Variants in FMN1 observed in about 807,000 individuals in gnomAD.
FMN1 encodes the protein formin 1, also known as formin-1.
In FMN1, 110 loss-of-function variants were observed where a neutral mutation model predicts 132.4. The observed-to-expected ratio is 0.83, with a 90% CI of 0.71 to 0.97. The LOEUF (loss-of-function observed/expected upper bound fraction) is 0.97. Ranked by LOEUF, FMN1 falls within the 50% of genes least tolerant of loss-of-function variation. FMN1 has a pLI of 0.00. For missense variants in FMN1, 1,792 were observed against 1,705.3 expected (o/e 1.05, Z -0.90); for synonymous variants, 722 against 651.7 (o/e 1.11, Z -1.64).
chr15:32,970,493 A>G (rs2031689587), intron 7 of FMN1, among the ~76,000 whole-genome samples: 1 of 152,132 alleles, frequency 6.6e-6, no homozygotes, highest in Non-Finnish European at 1.5e-5. Context: ...CCTCAGCAGC[A>G]ATGGATGGAT....
chr15:32,793,614 T>A (rs1028414048), intron 19 of FMN1, among the ~76,000 whole-genome samples: 1 of 152,214 alleles, frequency 6.6e-6, no homozygotes, highest in Admixed American at 6.5e-5. Context: ...TGTTTATCAG[T>A]TAGGTCTTGG....
At chr15:32,884,474 G>C (rs1189030074) in intron 16 of FMN1, among the ~76,000 whole-genome samples, 1 of 152,174 alleles carries the variant, frequency 6.6e-6, no homozygotes, top group Non-Finnish European at 1.5e-5. Context: ...CATGTGATTA[G>C]ATTAGGCCCA....
intron 4 of FMN1, among the ~76,000 whole-genome samples, chr15:33,109,528 T>C (rs943358990): frequency 1.3e-5 from 2 of 152,080 alleles, no homozygotes; most frequent in African/African-American, 2.4e-5. Context: ...AATGAAATCA[T>C]GTCTTTTGTG....
chr15:32,875,591 G>A (rs1488872656), intron 16 of FMN1, among the ~76,000 whole-genome samples: 1 of 152,084 alleles, frequency 6.6e-6, no homozygotes, highest in Non-Finnish European at 1.5e-5. Flanking sequence ...ATCCACCTAG[G>A]AGCCACGCTG....
Position 33,008,188 on chromosome 15 carries a change from C to A in FMN1, c.2162-113G>T, listed in dbSNP as rs1008460814. On this transcript the variant is annotated intron_variant, in intron 6 of 20. Coordinates refer to ENST00000616417, the MANE Select transcript of FMN1 (RefSeq NM_001277313.2). Reference sequence around the variant, plus strand: ...TAAAATAAATGCCACAATTTGACATCAACCTTACAAGAGATGTTAAAAATT... The same window carrying A: ...TAAAATAAATGCCACAATTTGACATAAACCTTACAAGAGATGTTAAAAATT... 9 of 806,072 alleles carry A rather than the reference C, an allele frequency of 1.1e-5. No individual in the cohort carries two copies. In the African/African-American group the frequency reaches 1.4e-4, roughly 12 times the overall value. The allele number at this position is 806,072 out of a possible 1,614,324, so 49.9% of individuals were successfully genotyped here. A position where few individuals can be genotyped will look rare whatever the true frequency, so the allele number is the denominator to read the frequency against.
At chr15:32,947,996 A>G (rs1312681117) in intron 9 of FMN1, among the ~76,000 whole-genome samples, 1 of 152,042 alleles carries the variant, frequency 6.6e-6, no homozygotes, top group Non-Finnish European at 1.5e-5. Flanking sequence ...AGAAATGTGT[A>G]TCATATTCCT....
At chr15:33,131,042 G>A (rs1221420271) in intron 4 of FMN1, among the ~76,000 whole-genome samples, 2 of 152,238 alleles carry the variant, frequency 1.3e-5, no homozygotes, top group East Asian at 3.9e-4. Context: ...GTAAAAAGCT[G>A]TATTAGGCCG....
intron 6 of FMN1, among the ~76,000 whole-genome samples, chr15:33,014,379 AAC>A (rs2034915864): frequency 6.6e-6 from 1 of 152,134 alleles, no homozygotes; most frequent in African/African-American, 2.4e-5. Flanking sequence ...TTAAAAAGAG[AAC>A]TTGACCCTAG....
intron 15 of FMN1, among the ~76,000 whole-genome samples, chr15:32,890,396 A>G (rs1458231140): frequency 1.3e-5 from 2 of 152,222 alleles, no homozygotes; most frequent in Admixed American, 6.5e-5. Flanking sequence ...CCTGCAGTGT[A>G]GAACTGTTCC....
At chr15:33,030,828 T>C (rs1160951568) in intron 6 of FMN1, among the ~76,000 whole-genome samples, 2 of 151,968 alleles carry the variant, frequency 1.3e-5, no homozygotes, top group Non-Finnish European at 2.9e-5. Context: ...TGTGGGAGTT[T>C]TTTTATTAAT....
intron 17 of FMN1, among the ~76,000 whole-genome samples, chr15:32,850,838 T>C (rs149121038): frequency 0.15 from 22,205 of 152,086 alleles, 1,971 homozygotes; most frequent in East Asian, 0.31. Flanking sequence ...TTATTTTAGG[T>C]TTGGGGGTAC....
intron 9 of FMN1, among the ~76,000 whole-genome samples, chr15:32,948,724 T>C (rs974059908): frequency 6.6e-6 from 1 of 152,068 alleles, no homozygotes; most frequent in African/African-American, 2.4e-5. Flanking sequence ...ACTTCCTTAA[T>C]ATTACTTATG....
At position 32,899,803 on chromosome 15, in the gene FMN1, A is replaced by C. The variant is rs1466126; in HGVS notation, c.3654+176T>G. On this transcript the variant is annotated intron_variant, in intron 14 of 20. Transcript: ENST00000616417. ...CTAACGTGAAAAAAAAAAACCAAAC[A>C]AAACTCTTTATTCGAAAGTGAAAAG... is the stretch of plus-strand genomic sequence containing the variant. 5.2e-3 allele frequency: 3,621 copies of C among 699,964 alleles called. 91 individuals are homozygous for C. In the African/African-American group the frequency reaches 0.059, roughly 11 times the overall value. The allele number at this position is 699,964 out of a possible 1,614,324, so 43.4% of individuals were successfully genotyped here.
intron 8 of FMN1, among the ~76,000 whole-genome samples, chr15:32,967,922 T>C (rs920641249): frequency 2.6e-5 from 4 of 152,238 alleles, no homozygotes; most frequent in Non-Finnish European, 5.9e-5. Flanking sequence ...GAGAAAGTGG[T>C]CAAGAGACAA....
chr15:32,924,078 C>T lies in FMN1; in HGVS notation c.3226+2096G>A, dbSNP rs1051526928. On this transcript the variant is annotated intron_variant, in intron 10 of 20. Coordinates refer to ENST00000616417, the MANE Select transcript of FMN1 (RefSeq NM_001277313.2). Reference sequence around the variant, plus strand: ...CATTTGTTTTTGTTTTTCTTTTTTTCCCTCTGCTCTAACATCACATTCTTC... The same window carrying T: ...CATTTGTTTTTGTTTTTCTTTTTTTTCCTCTGCTCTAACATCACATTCTTC... Among the ~76,000 whole-genome samples the T allele has an allele frequency of 2.0e-5, 3 of 152,108 alleles. No individual in the cohort carries two copies. In the South Asian group the frequency reaches 6.2e-4, roughly 32 times the overall value.
intron 19 of FMN1, 58 bp downstream of exon 19, chr15:32,798,746 A>G: frequency 1.4e-6 from 2 of 1,438,470 alleles, no homozygotes; most frequent in Admixed American, 4.0e-5. Flanking sequence ...TGATAGGTTT[A>G]AGAGTGCAGT....
chr15:33,054,545 A>T (rs535880764), intron 6 of FMN1, among the ~76,000 whole-genome samples: 2 of 152,226 alleles, frequency 1.3e-5, no homozygotes, highest in Non-Finnish European at 2.9e-5. Flanking sequence ...GCATCCATCT[A>T]TACTATTTCA....
chr15:33,186,655 T>C (rs1015070526), intron 2 of FMN1, among the ~76,000 whole-genome samples: 1 of 152,240 alleles, frequency 6.6e-6, no homozygotes, highest in African/African-American at 2.4e-5. Context: ...TGTTTTTCTT[T>C]CTTTGCAAAT....
At chr15:33,109,326 TAAAC>T (rs1285693849) in intron 4 of FMN1, among the ~76,000 whole-genome samples, 6 of 151,920 alleles carry the variant, frequency 3.9e-5, no homozygotes, top group South Asian at 4.1e-4. Context: ...AAAATAAAAA[TAAAC>T]AACCAATGAG....
Sources: gnomAD v4.1 joint callset for allele counts (sites outside exome capture counted in the v4.1 genomes callset) on GRCh38, gnomAD v4.1.1 for gene constraint, MANE v1.5 for transcripts, NCBI Gene and HGNC (gene_info 2026-07-23, HGNC 2026-07-21) for gene names.